STK32B: variants seen among roughly 807,000 people sequenced by gnomAD.
STK32B encodes the protein serine/threonine kinase 32B, also known as serine/threonine-protein kinase 32B.
In STK32B, 43 loss-of-function variants were observed where a neutral mutation model predicts 52.6. That is an observed-to-expected ratio of 0.82 (90% CI 0.64 to 1.05). The LOEUF (loss-of-function observed/expected upper bound fraction) is 1.05, where lower values mean the gene tolerates loss of function less well. Among genes scored for constraint, STK32B ranks in the 50% least tolerant of loss-of-function variants. STK32B has a pLI of 0.00. For synonymous variants in STK32B, 238 were observed against 204.3 expected (o/e 1.17, Z -1.41); for missense variants, 621 against 534.6 (o/e 1.16, Z -1.59).
At chr4:5,177,848 G>A (rs1345365546) in intron 3 of STK32B, among the ~76,000 whole-genome samples, 1 of 152,232 alleles carries the variant, frequency 6.6e-6, no homozygotes, top group South Asian at 2.1e-4. Flanking sequence ...GATGATGCAA[G>A]AGTTGGGCTC....
Position 5,455,130 on chromosome 4 carries a change from A to T in STK32B, c.667-1677A>T, listed in dbSNP as rs147078705. On this transcript the variant is annotated intron_variant, in intron 7 of 11. Transcript: ENST00000282908. ...GGGCAGAGGCGCACCCCTGAGGGCC[A>T]ACATCTTCTCCAGGGCCTCCTGTTT... Among the ~76,000 whole-genome samples the T allele has an allele frequency of 2.1e-3, 316 of 151,678 alleles. 3 individuals carry two copies. Among genetic ancestry groups the T allele is most frequent in the Middle Eastern group, 0.014 (4 of 294 alleles).
intron 3 of STK32B, among the ~76,000 whole-genome samples, chr4:5,281,152 G>C (rs35771251): frequency 0.067 from 9,461 of 141,918 alleles, 394 homozygotes; most frequent in African/African-American, 0.15. Context: ...GATCTCATGA[G>C]AACTCACTAT....
intron 3 of STK32B, among the ~76,000 whole-genome samples, chr4:5,175,268 G>A (rs1390868897): frequency 2.6e-5 from 4 of 152,056 alleles, no homozygotes; most frequent in African/African-American, 9.7e-5. Flanking sequence ...TCAGCTCGGA[G>A]TAGTTTGATC....
intron 3 of STK32B, among the ~76,000 whole-genome samples, chr4:5,310,612 A>C (rs930535147): frequency 2.6e-5 from 4 of 152,178 alleles, no homozygotes; most frequent in African/African-American, 9.6e-5. Context: ...TATAGCCATT[A>C]TGGAAAACAG....
In STK32B at chr4:5,249,433, TCCTA is replaced by T. The variant is rs1200722426; in HGVS notation, c.260+80991_260+80994del. Among the ~76,000 whole-genome samples, 197 of 138,590 alleles carry T rather than the reference TCCTA, an allele frequency of 1.4e-3. 1 individual carries two copies. Among genetic ancestry groups the T allele is most frequent in the Non-Finnish European group, 1.8e-3 (114 of 62,628 alleles). The allele number at this position is 138,590 out of a possible 152,430, so 90.9% of individuals were successfully genotyped here. On this transcript the variant is annotated intron_variant, in intron 3 of 11. Coordinates refer to ENST00000282908, the MANE Select transcript of STK32B (RefSeq NM_018401.3). ...TCCTGCCTGTCTGTTCTTCCTTCCT[TCCTA>T]CCTACCTTCCTTCCTTCCTTCCTTC... is the stretch of plus-strand genomic sequence containing the variant.
chr4:5,416,780 C>A, intron 5 of STK32B, 65 bp from the exon 6 acceptor site: 1 of 1,439,828 alleles, frequency 6.9e-7, no homozygotes, highest in Non-Finnish European at 9.6e-7. Flanking sequence ...TTGCAAACCA[C>A]AGCTTTAAAT....
intron 8 of STK32B, among the ~76,000 whole-genome samples, chr4:5,459,239 G>A (rs375769113): frequency 2.4e-4 from 36 of 151,968 alleles, no homozygotes; most frequent in African/African-American, 6.5e-4. Flanking sequence ...GTGTGAACTG[G>A]CAGGGGGCTC....
the STK32B span, among the ~76,000 whole-genome samples, chr4:5,024,307 G>T: frequency 6.6e-6 from 1 of 152,234 alleles, no homozygotes; most frequent in African/African-American, 2.4e-5. Flanking sequence ...TAAGAGCACA[G>T]CCAAGGCTTC....
chr4:5,119,319 C>G (rs138205825), intron 1 of STK32B, among the ~76,000 whole-genome samples: 1 of 152,220 alleles, frequency 6.6e-6, no homozygotes, highest in African/African-American at 2.4e-5. Flanking sequence ...TTGATATTCT[C>G]TTAGCTGGAA....
At position 5,119,970 on chromosome 4, in the gene STK32B, G is replaced by A. The variant is rs537362161; in HGVS notation, c.53-19935G>A. ...CCTTATCTGTGGTTTCACTTTCCTC[G>A]GTTTCAGTGAACCTTGGTCAACCAT... On this transcript the variant is annotated intron_variant, in intron 1 of 11. Transcript: ENST00000282908. Among the ~76,000 whole-genome samples the A allele has an allele frequency of 1.1e-4, 16 of 152,196 alleles. No individual in the cohort carries two copies. In the South Asian group the frequency reaches 2.9e-3, roughly 28 times the overall value.
At chr4:5,116,184 G>GCACACACACACACA (rs146380270) in intron 1 of STK32B, among the ~76,000 whole-genome samples, 2,096 of 149,122 alleles carry the variant, frequency 0.014, 56 homozygotes, top group African/African-American at 0.047. Flanking sequence ...GTGCATGCAC[G>GCACACACACACACA]CACACACACA....
intron 1 of STK32B, among the ~76,000 whole-genome samples, chr4:5,104,420 A>C (rs796373594): frequency 6.6e-6 from 1 of 152,210 alleles, no homozygotes; most frequent in Non-Finnish European, 1.5e-5. Flanking sequence ...AGGTGTCTTT[A>C]TTAGCAGCAT....
intron 2 of STK32B, among the ~76,000 whole-genome samples, chr4:5,159,699 A>ATATGAATG (rs1560186368): frequency 8.8e-6 from 1 of 113,014 alleles, no homozygotes; most frequent in African/African-American, 4.9e-5. Flanking sequence ...ATATATGAAT[A>ATATGAATG]TATATGAATA....
chr4:5,351,394 T>C (rs1733814375), intron 4 of STK32B, among the ~76,000 whole-genome samples: 1 of 151,962 alleles, frequency 6.6e-6, no homozygotes, highest in Non-Finnish European at 1.5e-5. Flanking sequence ...AAGGAGAAAG[T>C]CAAAATACTT....
At chr4:5,098,686 G>A (rs1284508571) in intron 1 of STK32B, among the ~76,000 whole-genome samples, 1 of 152,162 alleles carries the variant, frequency 6.6e-6, no homozygotes, top group Non-Finnish European at 1.5e-5. Flanking sequence ...CTAATATCCA[G>A]TTTCTGAAAC....
intron 6 of STK32B, 107 bp downstream of exon 6, chr4:5,417,041 T>C (rs112469239): frequency 2.0e-6 from 2 of 1,003,576 alleles, no homozygotes; most frequent in African/African-American, 3.3e-5. Context: ...TACCCTCCCA[T>C]GCTCACATGA....
At chr4:5,196,656 G>T (rs1387254435) in intron 3 of STK32B, among the ~76,000 whole-genome samples, 1 of 151,882 alleles carries the variant, frequency 6.6e-6, no homozygotes, top group African/African-American at 2.4e-5. Context: ...GGGAGGCGGA[G>T]GTTGCAGTGA....
At chr4:5,091,133 C>T (rs1713057164) in intron 1 of STK32B, among the ~76,000 whole-genome samples, 1 of 152,078 alleles carries the variant, frequency 6.6e-6, no homozygotes, top group Non-Finnish European at 1.5e-5. Flanking sequence ...GCCAGTATTA[C>T]CCTGATATCA....
At chr4:5,473,105 G>C (rs764999134) in intron 11 of STK32B, among the ~76,000 whole-genome samples, 1 of 152,142 alleles carries the variant, frequency 6.6e-6, no homozygotes, top group Non-Finnish European at 1.5e-5. Flanking sequence ...GTATTCTCAA[G>C]GTCTTGCAAT....
Sources: allele counts gnomAD v4.1 joint callset (sites outside exome capture counted in the v4.1 genomes callset), GRCh38; gene constraint gnomAD v4.1.1; transcripts MANE v1.5; gene names NCBI Gene and HGNC (gene_info 2026-07-23, HGNC 2026-07-21).